Variants in LAMA2 observed in about 807,000 individuals in gnomAD.
LAMA2 encodes laminin subunit alpha 2, also known as laminin subunit alpha-2.
LAMA2 carries 269 observed loss-of-function variants against 364.8 expected under a neutral mutation model. The ratio of observed to expected loss-of-function variants is 0.74; its 90% CI spans 0.67 to 0.82. LAMA2 has a LOEUF of 0.82. Among genes scored for constraint, LAMA2 ranks in the 40% least tolerant of loss-of-function variants. The pLI, the probability that LAMA2 is intolerant of heterozygous loss-of-function variation, is 0.00. For missense variants in LAMA2, 3,807 were observed against 3,873.2 expected (o/e 0.98, Z 0.45); for synonymous variants, 1,379 against 1,370.6 (o/e 1.01, Z -0.14).
chr6:129,460,583 G>C (rs1783199353), intron 49 of LAMA2, among the ~76,000 whole-genome samples: 1 of 152,030 alleles, frequency 6.6e-6, no homozygotes, highest in African/African-American at 2.4e-5. Context: ...AAAGGTAAGA[G>C]ATTTTGGCTA....
intron 4 of LAMA2, among the ~76,000 whole-genome samples, chr6:129,140,530 C>T (rs905192156): frequency 9.9e-5 from 15 of 152,048 alleles, no homozygotes; most frequent in Non-Finnish European, 2.9e-5. Flanking sequence ...CTAGAGGCTG[C>T]CACAGATTTC....
chr6:129,043,424 GT>G (rs1221569086), intron 1 of LAMA2, among the ~76,000 whole-genome samples: 1 of 151,932 alleles, frequency 6.6e-6, no homozygotes, highest in Non-Finnish European at 1.5e-5. Context: ...TTAATCACAT[GT>G]AGTGGATTTT....
chr6:129,015,865 G>A (rs1451459904), intron 1 of LAMA2, among the ~76,000 whole-genome samples: 1 of 151,888 alleles, frequency 6.6e-6, no homozygotes, highest in Non-Finnish European at 1.5e-5. Context: ...AATTTGGATT[G>A]AAGACAATGG....
intron 53 of LAMA2, among the ~76,000 whole-genome samples, chr6:129,478,267 G>A (rs571410114): frequency 1.5e-4 from 15 of 98,480 alleles, no homozygotes; most frequent in African/African-American, 3.3e-4. Flanking sequence ...ATAAATAAAC[G>A]TTTTCAGATT....
At chr6:129,190,556 GAATAGGTA>G (rs1781468341) in intron 11 of LAMA2, among the ~76,000 whole-genome samples, 1 of 152,114 alleles carries the variant, frequency 6.6e-6, no homozygotes, top group South Asian at 2.1e-4. Context: ...GAATTTCTTA[GAATAGGTA>G]GACATAGTCT....
At chr6:128,982,388 G>T (rs1285332515) in intron 1 of LAMA2, among the ~76,000 whole-genome samples, 1 of 151,964 alleles carries the variant, frequency 6.6e-6, no homozygotes, top group Non-Finnish European at 1.5e-5. Flanking sequence ...TTTAGAAATG[G>T]TTTCCTACCT....
intron 3 of LAMA2, among the ~76,000 whole-genome samples, chr6:129,094,446 G>T (rs1775047451): frequency 6.6e-6 from 1 of 152,144 alleles, no homozygotes. Context: ...AGTCTGTGGG[G>T]TCTCTAGTAG....
chr6:129,274,279 A>C (rs1788145094), intron 17 of LAMA2, among the ~76,000 whole-genome samples: 1 of 151,962 alleles, frequency 6.6e-6, no homozygotes, highest in Admixed American at 6.6e-5. Context: ...ACACTTAATG[A>C]CCTAGGGAAA....
chr6:129,292,021 T>C (rs1380159784), intron 20 of LAMA2, among the ~76,000 whole-genome samples: 1 of 152,218 alleles, frequency 6.6e-6, no homozygotes, highest in African/African-American at 2.4e-5. Context: ...AGATACTCTT[T>C]CCTTTGCCTT....
chr6:129,315,932 T>G lies in LAMA2; in HGVS notation c.3906T>G (p.His1302Gln). ...AAPLIGQLTRHEIEMTEKEWK... is the reference protein window; with the variant it reads ...AAPLIGQLTRQEIEMTEKEWK... ...CTCTGATTGGCCAATTGACAAGGCA[T>G]GAAATTGAAATGACAGAGGTAAAGT... The change falls in exon 26 of 65, where the codon CAT becomes CAG. Residue 1302 changes from histidine to glutamine, a missense_variant. His to Gln is a conservative substitution (Grantham distance 24, BLOSUM62 0). Coordinates refer to ENST00000421865, the MANE Select transcript of LAMA2 (RefSeq NM_000426.4). 1 of 1,614,092 alleles carries G rather than the reference T, an allele frequency of 6.2e-7. No individual in the cohort carries two copies. Among genetic ancestry groups the G allele is most frequent in the Non-Finnish European group, 8.5e-7 (1 of 1,180,014 alleles).
intron 12 of LAMA2, among the ~76,000 whole-genome samples, chr6:129,223,119 C>T (rs1165261546): frequency 2.6e-5 from 4 of 152,074 alleles, no homozygotes; most frequent in Non-Finnish European, 5.9e-5. Flanking sequence ...TTTCATGTGT[C>T]TGCTGGCTGC....
At chr6:129,251,098 ATATATAT>A (rs1236311302) in intron 13 of LAMA2, among the ~76,000 whole-genome samples, 1 of 135,908 alleles carries the variant, frequency 7.4e-6, no homozygotes, top group Non-Finnish European at 1.5e-5. Context: ...ATATATATAT[ATATATAT>A]GGCAACTAGA....
At chr6:129,379,783 C>T (rs980818590) in intron 34 of LAMA2, among the ~76,000 whole-genome samples, 2 of 152,318 alleles carry the variant, frequency 1.3e-5, no homozygotes, top group African/African-American at 2.4e-5. Flanking sequence ...TCTTGAGCAG[C>T]AGCTTCCTCT....
At chr6:129,099,902 G>T (rs1243218133) in intron 4 of LAMA2, among the ~76,000 whole-genome samples, 1 of 152,202 alleles carries the variant, frequency 6.6e-6, no homozygotes, top group African/African-American at 2.4e-5. Flanking sequence ...GTGCCTAGAG[G>T]CATCCAATTC....
chr6:128,898,327 C>A (rs942272902), intron 1 of LAMA2, among the ~76,000 whole-genome samples: 1 of 152,158 alleles, frequency 6.6e-6, no homozygotes, highest in Non-Finnish European at 1.5e-5. Context: ...TCCTTCACAG[C>A]GAACATTTGC....
chr6:129,512,671 T>G (rs999403350), intron 63 of LAMA2, among the ~76,000 whole-genome samples, 178 bp downstream of exon 63: 1 of 152,184 alleles, frequency 6.6e-6, no homozygotes, highest in Admixed American at 6.5e-5. Flanking sequence ...GTTTTCAGCA[T>G]GTTGTAGGCC....
intron 37 of LAMA2, among the ~76,000 whole-genome samples, chr6:129,400,810 T>G (rs1443599371): frequency 6.6e-6 from 1 of 152,218 alleles, no homozygotes; most frequent in Non-Finnish European, 1.5e-5. Flanking sequence ...TTCACAGAAC[T>G]CCCATTGAAT....
At chr6:129,432,496 G>A (rs1781645676) in intron 41 of LAMA2, among the ~76,000 whole-genome samples, 1 of 152,184 alleles carries the variant, frequency 6.6e-6, no homozygotes, top group Non-Finnish European at 1.5e-5. Context: ...GGGGCTTAGA[G>A]CTAAAAACTT....
In LAMA2 at chr6:129,404,376, A is replaced by G. The variant is rs180761897; in HGVS notation, c.5865+417A>G. 3.0e-3 allele frequency among the ~76,000 whole-genome samples: 458 copies of G among 152,330 alleles called. 6 individuals are homozygous for G. Among genetic ancestry groups the G allele is most frequent in the Middle Eastern group, 0.01 (3 of 294 alleles). ...ATAAAATTCACTTTTTAATAAAAAC[A>G]TACTGGATCATATGCTTCTAAACAA... On this transcript the variant is annotated intron_variant, in intron 40 of 64. Coordinates refer to ENST00000421865, the MANE Select transcript of LAMA2 (RefSeq NM_000426.4).
Sources: allele counts gnomAD v4.1 joint callset (sites outside exome capture counted in the v4.1 genomes callset), GRCh38; gene constraint gnomAD v4.1.1; transcripts MANE v1.5; gene names NCBI Gene and HGNC (gene_info 2026-07-23, HGNC 2026-07-21).